The following RSRC1 variants were observed in gnomAD, a reference collection of about 807,000 sequenced individuals.
RSRC1 encodes the protein arginine and serine rich coiled-coil 1.
RSRC1 carries 39 observed loss-of-function variants against 49.1 expected under a neutral mutation model. That is an observed-to-expected ratio of 0.79 (90% CI 0.61 to 1.04). The LOEUF (loss-of-function observed/expected upper bound fraction) is 1.04. RSRC1 is among the 50% of genes least tolerant of loss of function. The pLI, the probability that RSRC1 is intolerant of heterozygous loss-of-function variation, is 0.00. For missense variants in RSRC1, 388 were observed against 402.4 expected, an observed-to-expected ratio of 0.96 and a Z score of 0.31; for synonymous variants, 143 against 130.8, an observed-to-expected ratio of 1.09 and a Z score of -0.63.
chr3:158,514,677 A>G (rs962919379), intron 7 of RSRC1, among the ~76,000 whole-genome samples: 1 of 151,178 alleles, frequency 6.6e-6, no homozygotes, highest in Non-Finnish European at 1.5e-5. Flanking sequence ...ATCCTTGTTG[A>G]CTCTCTGTCT....
intron 6 of RSRC1, among the ~76,000 whole-genome samples, chr3:158,442,045 A>G (rs1010338285): frequency 2.6e-5 from 4 of 152,112 alleles, no homozygotes; most frequent in Non-Finnish European, 4.4e-5. Flanking sequence ...AGCATTGTCT[A>G]AAAAACAATG....
intron 7 of RSRC1, among the ~76,000 whole-genome samples, chr3:158,519,343 G>A (rs146315735): frequency 2.9e-3 from 434 of 151,840 alleles, no homozygotes; most frequent in African/African-American, 9.9e-3. Context: ...CTACTCTCTC[G>A]TATTAGAGAG....
At chr3:158,204,547 G>C (rs1453356353) in intron 4 of RSRC1, among the ~76,000 whole-genome samples, 1 of 152,178 alleles carries the variant, frequency 6.6e-6, no homozygotes, top group African/African-American at 2.4e-5. Context: ...TGGTAAAATG[G>C]AATGAAGGCA....
intron 4 of RSRC1, among the ~76,000 whole-genome samples, chr3:158,214,318 T>A (rs184091895): frequency 6.6e-6 from 1 of 151,940 alleles, no homozygotes; most frequent in East Asian, 1.9e-4. Context: ...AAAATTTTTG[T>A]GTGACCTGTA....
chr3:158,223,590 A>ATT (rs5853818), intron 4 of RSRC1, among the ~76,000 whole-genome samples: 11,302 of 145,674 alleles, frequency 0.078, 560 homozygotes, highest in East Asian at 0.11. Context: ...TAGCTTCCTG[A>ATT]TTTTTTTTTT....
chr3:158,136,637 ATAAGG>A (rs1451239601), intron 3 of RSRC1: 5 of 152,198 alleles, frequency 3.3e-5, no homozygotes, highest in Admixed American at 2.6e-4. Context: ...ACTAGGGAAG[ATAAGG>A]TAAGCAAGTA....
intron 4 of RSRC1, among the ~76,000 whole-genome samples, chr3:158,287,199 GT>G (rs1171837955): frequency 6.6e-6 from 1 of 152,056 alleles, no homozygotes; most frequent in African/African-American, 2.4e-5. Flanking sequence ...TGTTGACTGT[GT>G]TACATATGGG....
At chr3:158,428,411 G>A (rs924919213) in intron 6 of RSRC1, among the ~76,000 whole-genome samples, 1 of 151,790 alleles carries the variant, frequency 6.6e-6, no homozygotes, top group Admixed American at 6.6e-5. Context: ...AACCGTTCTG[G>A]AGCTGAACAA....
chr3:158,534,779 T>C (rs1290434768), intron 7 of RSRC1, among the ~76,000 whole-genome samples: 1 of 151,462 alleles, frequency 6.6e-6, no homozygotes, highest in East Asian at 1.9e-4. Context: ...TAAAATAGAA[T>C]GCAGAACTCT....
At chr3:158,305,302 G>A (rs1011426161) in intron 5 of RSRC1, among the ~76,000 whole-genome samples, 1 of 151,990 alleles carries the variant, frequency 6.6e-6, no homozygotes, top group Non-Finnish European at 1.5e-5. Flanking sequence ...ATTGTTGATA[G>A]TCTCAGAATT....
At chr3:158,466,407 T>C (rs953280975) in intron 7 of RSRC1, among the ~76,000 whole-genome samples, 4 of 152,238 alleles carry the variant, frequency 2.6e-5, no homozygotes, top group Non-Finnish European at 1.5e-5. Context: ...AAATATATTC[T>C]GTTTACTACA....
chr3:158,344,551 A>G (rs1370174641), intron 5 of RSRC1, among the ~76,000 whole-genome samples: 1 of 152,194 alleles, frequency 6.6e-6, no homozygotes, highest in Non-Finnish European at 1.5e-5. Flanking sequence ...GAATATTTTT[A>G]AAAAGACATA....
At chr3:158,513,346 A>C (rs1740296188) in intron 7 of RSRC1, among the ~76,000 whole-genome samples, 1 of 152,160 alleles carries the variant, frequency 6.6e-6, no homozygotes, top group African/African-American at 2.4e-5. Context: ...ATTTTGTCAA[A>C]GGCCTTTTCT....
intron 4 of RSRC1, among the ~76,000 whole-genome samples, chr3:158,205,838 A>G (rs1258116286): frequency 6.6e-6 from 1 of 152,128 alleles, no homozygotes; most frequent in Admixed American, 6.6e-5. Flanking sequence ...AAAATCACAA[A>G]AATCTCATAA....
chr3:158,417,965 A>G (rs1303930190), intron 6 of RSRC1, among the ~76,000 whole-genome samples: 1 of 151,932 alleles, frequency 6.6e-6, no homozygotes, highest in East Asian at 1.9e-4. Flanking sequence ...TTTCCTGACA[A>G]TCTAAGCCCA....
At chr3:158,146,074 A>T (rs1413269772) in intron 3 of RSRC1, among the ~76,000 whole-genome samples, 1 of 152,164 alleles carries the variant, frequency 6.6e-6, no homozygotes, top group Non-Finnish European at 1.5e-5. Context: ...GTCATCTGCA[A>T]ACAGGGAGAA....
intron 4 of RSRC1, among the ~76,000 whole-genome samples, chr3:158,217,751 A>AGTGT (rs376564459): frequency 2.0e-5 from 2 of 99,712 alleles, no homozygotes; most frequent in East Asian, 3.8e-4. Context: ...ATTATGGTCC[A>AGTGT]GTGTGTGTGT....
chr3:158,203,137 C>A lies in RSRC1; in HGVS notation c.386C>A (p.Thr129Lys). 1 of 1,613,612 alleles carries A rather than the reference C, an allele frequency of 6.2e-7. No individual in the cohort carries two copies. The change falls in exon 4 of 10, where the codon ACG becomes AAG. Residue 129 changes from threonine to lysine, a missense_variant. Physicochemically the swap from Thr to Lys is moderately conservative, Grantham distance 78 (BLOSUM62 -1). Transcript: ENST00000611884. ...RSSERSSHRR[T>K]RSRSRDRERR... ...AGTGAAAGGTCCAGTCACAGAAGAA[C>A]GCGTAGTCGGTCTCGGGATAGAGAA...
chr3:158,430,601 A>G (rs1368124795), intron 6 of RSRC1, among the ~76,000 whole-genome samples: 1 of 151,928 alleles, frequency 6.6e-6, no homozygotes, highest in East Asian at 1.9e-4. Flanking sequence ...TTGAAATTCT[A>G]CTGCTTACCT....
Sources: gnomAD v4.1 joint callset for allele counts (sites outside exome capture counted in the v4.1 genomes callset) on GRCh38, gnomAD v4.1.1 for gene constraint, MANE v1.5 for transcripts, NCBI Gene and HGNC (gene_info 2026-07-23, HGNC 2026-07-21) for gene names.